GTF3C1: variants seen among roughly 807,000 people sequenced by gnomAD.
The protein encoded by GTF3C1 is general transcription factor 3C polypeptide 1.
Under a neutral mutation model 226.7 loss-of-function variants are expected in GTF3C1, and 57 were observed. The observed-to-expected ratio is 0.25, with a 90% CI of 0.20 to 0.31. The LOEUF (loss-of-function observed/expected upper bound fraction) is 0.31, where lower values mean the gene tolerates loss of function less well. Ranked by LOEUF, GTF3C1 falls within the 10% of genes least tolerant of loss-of-function variation. GTF3C1 has a pLI of 1.00. For synonymous variants in GTF3C1, 1,090 were observed against 1,084.8 expected, an observed-to-expected ratio of 1.00 and a Z score of -0.09; for missense variants, 2,217 against 2,776.1, an observed-to-expected ratio of 0.80 and a Z score of 4.53.
chr16:27,537,512 C>T (rs567884916), intron 4 of GTF3C1, among the ~76,000 whole-genome samples: 3 of 152,230 alleles, frequency 2.0e-5, no homozygotes, highest in East Asian at 3.9e-4. Flanking sequence ...TGGGCTCAAG[C>T]GATCCTCCTA....
chr16:27,492,804 T>A lies in GTF3C1; in HGVS notation c.2877-91A>T. ...ATGTGGGGTGAGGGGTGCGACTTCC[T>A]TCTTCTCTTTTCCACCTGGTGGTCA... On this transcript the variant is annotated intron_variant, in intron 17 of 36. Coordinates refer to ENST00000356183, the MANE Select transcript of GTF3C1 (RefSeq NM_001520.4). The surrounding 1 kb of genome is among the most constrained non-coding windows in gnomAD (Gnocchi z 5.0). 1.3e-6 allele frequency: 1 copy of A among 777,340 alleles called. No homozygotes were observed. The highest frequency in any genetic ancestry group is 2.3e-6 in the Non-Finnish European group (1 of 432,772). The allele number at this position is 777,340 out of a possible 1,614,324, so 48.2% of individuals were successfully genotyped here.
intron 6 of GTF3C1, among the ~76,000 whole-genome samples, chr16:27,521,830 T>C (rs1034370142): frequency 6.6e-6 from 1 of 152,232 alleles, no homozygotes; most frequent in Non-Finnish European, 1.5e-5. Context: ...AATCTTTTTC[T>C]GCTTTTTTTC....
At chr16:27,491,763 CCT>C (rs2088236328) in intron 19 of GTF3C1, among the ~76,000 whole-genome samples, 2 of 152,212 alleles carry the variant, frequency 1.3e-5, no homozygotes, top group African/African-American at 2.4e-5. Context: ...CACATGGCCT[CCT>C]CTCTTTCTCC....
At position 27,489,763 on chromosome 16, in the gene GTF3C1, G is replaced by A. The variant is rs372969766; in HGVS notation, c.3152-20C>T. The A allele has an allele frequency of 1.3e-5, 21 of 1,606,132 alleles. No homozygotes were observed. The African/African-American group carries it at 2.1e-4, about 16-fold the overall frequency. On this transcript the variant is annotated intron_variant, in intron 19 of 36. Transcript: ENST00000356183. ...CCACGCCTGGAAAACCAAACATCAGGGTGACCAATCACGCCTTCCTGCTGC... is the reference window on the plus strand; with the variant it reads ...CCACGCCTGGAAAACCAAACATCAGAGTGACCAATCACGCCTTCCTGCTGC...
intron 32 of GTF3C1, chr16:27,465,797 C>T (rs939686557): frequency 1.9e-6 from 1 of 523,084 alleles, no homozygotes; most frequent in African/African-American, 1.9e-5. Flanking sequence ...GATTCTCCTG[C>T]TCAAGATGTA....
intron 32 of GTF3C1, among the ~76,000 whole-genome samples, chr16:27,468,440 C>A (rs969449149): frequency 6.6e-6 from 1 of 152,110 alleles, no homozygotes; most frequent in Non-Finnish European, 1.5e-5. Context: ...AGGAAGGCCC[C>A]GTCTCTACAA....
chr16:27,498,881 G>A (rs963747122), intron 12 of GTF3C1, 148 bp from the exon 13 acceptor site: 3 of 630,652 alleles, frequency 4.8e-6, no homozygotes, highest in Non-Finnish European at 8.6e-6. Flanking sequence ...AAAATTTGTT[G>A]CTCAACAGTT....
rs765977134 is a variant in GTF3C1 at position 27,495,433 on chromosome 16, G to A, written c.2410C>T (p.His804Tyr). The change falls in exon 15 of 37, where the codon CAC becomes TAC. Residue 804 changes from histidine to tyrosine, a missense_variant. His to Tyr is a moderately conservative substitution (Grantham distance 83). Transcript: ENST00000356183. ...LPKMPRLRVV[H>Y]MFLWYLIYGH... ...TAGATGAGGTACCACAGAAACATGT[G>A]GACCACCCGCAGGCGAGGCATTTTG... 2 of 1,614,010 alleles carry A rather than the reference G, an allele frequency of 1.2e-6. No individual in the cohort carries two copies. The highest frequency in any genetic ancestry group is 1.1e-5 in the South Asian group (1 of 91,050).
chr16:27,514,594 C>G (rs887163863), intron 6 of GTF3C1, among the ~76,000 whole-genome samples: 8 of 152,142 alleles, frequency 5.3e-5, no homozygotes, highest in African/African-American at 1.9e-4. Context: ...ATGCTGCTCA[C>G]ATGAGCAACC....
chr16:27,538,998 A>ACT (rs1555505415), intron 2 of GTF3C1, among the ~76,000 whole-genome samples: 4 of 116,852 alleles, frequency 3.4e-5, no homozygotes, highest in African/African-American at 1.4e-4. Context: ...ACACACACAC[A>ACT]CTCATCTTTT....
At chr16:27,490,672 C>G (rs952270322) in intron 19 of GTF3C1, among the ~76,000 whole-genome samples, 2 of 152,164 alleles carry the variant, frequency 1.3e-5, no homozygotes, top group Non-Finnish European at 2.9e-5. Flanking sequence ...AACAGCAGCA[C>G]CACAAGTCTG....
rs182666377 is a variant in GTF3C1 at position 27,482,453 on chromosome 16, C to T, written c.4083+591G>A. ...TCTGTGGGCCTGTGCCTTCCTCTTC[C>T]GGGAGCTGACTACACTGTCCTGCAA... is the stretch of plus-strand genomic sequence containing the variant. On this transcript the variant is annotated intron_variant, in intron 26 of 36. Coordinates refer to ENST00000356183, the MANE Select transcript of GTF3C1 (RefSeq NM_001520.4). The T allele has an allele frequency of 1.6e-3, 716 of 455,938 alleles. 3 individuals are homozygous for T. Among genetic ancestry groups the T allele is most frequent in the Non-Finnish European group, 2.6e-3 (583 of 226,678 alleles). 28.2% of individuals were successfully genotyped at this position (455,938 alleles called of 1,614,324 possible). A position where few individuals can be genotyped will look rare whatever the true frequency, so the allele number is the denominator to read the frequency against.
intron 27 of GTF3C1, chr16:27,480,580 T>C (rs960463088): frequency 1.9e-5 from 3 of 156,238 alleles, no homozygotes; most frequent in Admixed American, 1.3e-4. Context: ...GAGGGACTTT[T>C]TGGGTGAGGA....
chr16:27,544,910 G>A (rs558762225), intron 2 of GTF3C1, among the ~76,000 whole-genome samples: 1 of 152,262 alleles, frequency 6.6e-6, no homozygotes, highest in South Asian at 2.1e-4. Flanking sequence ...CAAGGTTGTG[G>A]GCCAGATCCA....
At position 27,462,356 on chromosome 16, in the gene GTF3C1, T is replaced by A; in HGVS notation, c.6055A>T (p.Ser2019Cys). ...CCCTGGTAGTGGCGCAGCAGGGAGC[T>A]CTCGGGGATGCCAGGCCTGGTCATG... ...HIMTRPGIPESSLLRHYQGVL... is the reference protein window; with the variant it reads ...HIMTRPGIPECSLLRHYQGVL... The change falls in exon 36 of 37, where the codon AGC becomes TGC. Residue 2019 changes from serine (S) to cysteine (C), a missense_variant. Ser to Cys is a moderately radical substitution (Grantham distance 112). This residue lies in a region of GTF3C1 where 153 missense variants were observed against 199.8 expected (regional missense o/e 0.77). Transcript: ENST00000356183. The surrounding 1 kb of genome is among the most constrained non-coding windows in gnomAD (Gnocchi z 4.5). 1 of 1,584,754 alleles carries A rather than the reference T, an allele frequency of 6.3e-7. No homozygotes were observed. Among genetic ancestry groups the A allele is most frequent in the Admixed American group, 1.8e-5 (1 of 55,440 alleles).
At chr16:27,541,939 A>C (rs1486556138) in intron 2 of GTF3C1, among the ~76,000 whole-genome samples, 1 of 152,184 alleles carries the variant, frequency 6.6e-6, no homozygotes, top group Non-Finnish European at 1.5e-5. Flanking sequence ...CCCTGTAAAA[A>C]ATTGGTCTCA....
In GTF3C1 at chr16:27,462,546, C is replaced by G; in HGVS notation, c.5925-60G>C. On this transcript the variant is annotated intron_variant, in intron 35 of 36. Coordinates refer to ENST00000356183, the MANE Select transcript of GTF3C1 (RefSeq NM_001520.4). This position sits in a 1 kb window ranked among gnomAD's most constrained non-coding sequence, Gnocchi z 4.5. ...GGGGCAGGAGGGCAGCTCGTCCAGA[C>G]AGAACACTGAGGCTCAGGGGCGTCC... The G allele has an allele frequency of 7.4e-7, 1 of 1,347,506 alleles. No individual in the cohort carries two copies. The highest frequency in any genetic ancestry group is 1.1e-6 in the Non-Finnish European group (1 of 949,858). 83.5% of individuals were successfully genotyped at this position (1,347,506 alleles called of 1,614,324 possible).
intron 10 of GTF3C1, among the ~76,000 whole-genome samples, chr16:27,504,845 C>A (rs1434111361): frequency 3.9e-5 from 6 of 152,162 alleles, no homozygotes; most frequent in Non-Finnish European, 5.9e-5. Context: ...GCAGGAGGAT[C>A]ACTTGAGCTC....
chr16:27,512,536 C>A (rs999353461), intron 6 of GTF3C1, among the ~76,000 whole-genome samples: 3 of 152,144 alleles, frequency 2.0e-5, no homozygotes, highest in Admixed American at 1.3e-4. Flanking sequence ...CTTATGCATA[C>A]TACAAAAAAA....
Sources: allele counts gnomAD v4.1 joint callset (sites outside exome capture counted in the v4.1 genomes callset), GRCh38; gene constraint gnomAD v4.1.1; regional missense constraint gnomAD v4.1.1; non-coding constraint Gnocchi (gnomAD v3.1); transcripts MANE v1.5; gene names NCBI Gene and HGNC (gene_info 2026-07-23, HGNC 2026-07-21).